The following DAB1 variants were observed in gnomAD, a reference collection of about 807,000 sequenced individuals.
DAB1 encodes the protein disabled homolog 1.
In DAB1, 15 loss-of-function variants were observed where a neutral mutation model predicts 64.6. That is an observed-to-expected ratio of 0.23 (90% CI 0.16 to 0.36). DAB1 has a LOEUF of 0.36. Among genes scored for constraint, DAB1 ranks in the 10% least tolerant of loss-of-function variants. The probability of loss-of-function intolerance (pLI) is 1.00; values close to 1 mark genes in which losing one functional copy is unlikely to be tolerated. For synonymous variants in DAB1, 235 were observed against 251.9 expected, an observed-to-expected ratio of 0.93 and a Z score of 0.64; for missense variants, 596 against 706.7, an observed-to-expected ratio of 0.84 and a Z score of 1.78.
At chr1:57,799,444 C>T (rs1161312644) in intron 6 of DAB1, among the ~76,000 whole-genome samples, 1 of 151,840 alleles carries the variant, frequency 6.6e-6, no homozygotes, top group African/African-American at 2.4e-5. Flanking sequence ...CTGGGCAGAC[C>T]CTGTTTGGGA....
Position 58,064,946 on chromosome 1 carries a change from G to A in DAB1, n.387+85565C>T, listed in dbSNP as rs529267072. On this transcript the variant is annotated intron_variant and non_coding_transcript_variant, in intron 5 of 20. Transcript: ENST00000485760. ...ACCGTGGTCTCAATCTCCTGACCTCGTGATCCGCCCACCTCGGCCTCCCAA... is the reference window on the plus strand; with the variant it reads ...ACCGTGGTCTCAATCTCCTGACCTCATGATCCGCCCACCTCGGCCTCCCAA... 3.2e-3 allele frequency among the ~76,000 whole-genome samples: 489 copies of A among 151,938 alleles called. 1 individual carries two copies. The highest frequency in any genetic ancestry group is 0.011 in the African/African-American group (460 of 41,442).
chr1:58,463,263 G>A (rs1332791159), intron 3 of DAB1, among the ~76,000 whole-genome samples: 1 of 152,198 alleles, frequency 6.6e-6, no homozygotes, highest in Non-Finnish European at 1.5e-5. Flanking sequence ...CTCCTGGTGA[G>A]AGGAGTAGCT....
intron 5 of DAB1, among the ~76,000 whole-genome samples, chr1:58,073,530 T>C (rs1649405111): frequency 6.6e-6 from 1 of 152,190 alleles, no homozygotes; most frequent in African/African-American, 2.4e-5. Flanking sequence ...CTATGTCTGG[T>C]AGAATACAGT....
At chr1:57,096,115 T>C (rs1350792312) in intron 4 of DAB1, among the ~76,000 whole-genome samples, 1 of 152,182 alleles carries the variant, frequency 6.6e-6, no homozygotes, top group Admixed American at 6.5e-5. Context: ...TTATTATCTA[T>C]AGTTAACTGA....
At chr1:57,106,264 C>A (rs1557730847) in intron 4 of DAB1, among the ~76,000 whole-genome samples, 1 of 151,468 alleles carries the variant, frequency 6.6e-6, no homozygotes, top group Non-Finnish European at 1.5e-5. Flanking sequence ...AACACCCCCC[C>A]CCATCAGTAT....
At chr1:57,814,950 G>T (rs852750) in intron 6 of DAB1, among the ~76,000 whole-genome samples, 47,241 of 152,146 alleles carry the variant, frequency 0.31, 8,682 homozygotes, top group Admixed American at 0.46. Flanking sequence ...TTGAGGCTAC[G>T]ATGCTGTAGC....
At chr1:57,670,080 C>T (rs1236628333) in intron 6 of DAB1, among the ~76,000 whole-genome samples, 6 of 152,254 alleles carry the variant, frequency 3.9e-5, no homozygotes, top group Non-Finnish European at 8.8e-5. Flanking sequence ...TTCAGCTCCA[C>T]TGAAATTATT....
chr1:57,556,867 G>A lies in DAB1; in HGVS notation n.625+92725C>T, dbSNP rs374842917. 6.3e-4 allele frequency among the ~76,000 whole-genome samples: 96 copies of A among 152,280 alleles called. No homozygotes were observed. The Middle Eastern group carries it at 0.024, about 38-fold the overall frequency. On this transcript the variant is annotated intron_variant and non_coding_transcript_variant, in intron 7 of 20. Coordinates refer to the DAB1 transcript ENST00000485760. ...TCTTTGCCTAAGCCAATGTCTAGAA[G>A]GGTTTTTCCAACGTTATCTTCTAGA... is the stretch of plus-strand genomic sequence containing the variant.
intron 2 of DAB1, among the ~76,000 whole-genome samples, chr1:57,235,441 C>T (rs1406346787): frequency 6.6e-6 from 1 of 152,174 alleles, no homozygotes; most frequent in Non-Finnish European, 1.5e-5. Flanking sequence ...GGGCCTAGCA[C>T]AGGGCCTGGT....
intron 4 of DAB1, among the ~76,000 whole-genome samples, chr1:58,179,309 A>G (rs1451502373): frequency 3.3e-5 from 5 of 152,076 alleles, no homozygotes; most frequent in Admixed American, 3.3e-4. Flanking sequence ...TTCTTGTAAT[A>G]TCTTTTTCTG....
chr1:57,587,473 T>C (rs1315534076), intron 7 of DAB1, among the ~76,000 whole-genome samples: 1 of 152,150 alleles, frequency 6.6e-6, no homozygotes, highest in Non-Finnish European at 1.5e-5. Context: ...AGAAAGATTG[T>C]ATAATGTTAT....
chr1:58,255,975 G>A (rs141007686), intron 4 of DAB1, among the ~76,000 whole-genome samples: 1 of 152,298 alleles, frequency 6.6e-6, no homozygotes, highest in East Asian at 1.9e-4. Flanking sequence ...GTCAGGATTT[G>A]ATTCTGACAC....
intron 4 of DAB1, among the ~76,000 whole-genome samples, chr1:58,235,574 T>C (rs989998668): frequency 2.6e-5 from 4 of 151,936 alleles, no homozygotes; most frequent in African/African-American, 2.4e-5. Flanking sequence ...TGGGTATATA[T>C]AGAGGGAGGG....
At chr1:58,386,313 G>A (rs1157731236) in intron 3 of DAB1, among the ~76,000 whole-genome samples, 2 of 152,142 alleles carry the variant, frequency 1.3e-5, no homozygotes, top group East Asian at 1.9e-4. Context: ...AGTTTGATAC[G>A]TTCTACACTC....
intron 14 of DAB1, among the ~76,000 whole-genome samples, chr1:56,998,695 A>G (rs1485874378): frequency 1.3e-5 from 2 of 152,198 alleles, no homozygotes; most frequent in Non-Finnish European, 2.9e-5. Context: ...GTTGAGCCAG[A>G]GAAACAGCAA....
At chr1:58,088,440 T>G (rs1650449652) in intron 5 of DAB1, among the ~76,000 whole-genome samples, 1 of 152,240 alleles carries the variant, frequency 6.6e-6, no homozygotes. Flanking sequence ...TCTAATGAAC[T>G]CTAATATATG....
chr1:57,556,509 T>C (rs1340819393), intron 7 of DAB1, among the ~76,000 whole-genome samples: 1 of 152,204 alleles, frequency 6.6e-6, no homozygotes, highest in Non-Finnish European at 1.5e-5. Context: ...GTGGTTTTGA[T>C]TTGCATTTCT....
intron 5 of DAB1, among the ~76,000 whole-genome samples, chr1:58,063,457 A>G (rs1448176850): frequency 6.6e-6 from 1 of 152,192 alleles, no homozygotes; most frequent in Admixed American, 6.5e-5. Context: ...CCTAAAGTCC[A>G]GTGTATAGCC....
intron 3 of DAB1, among the ~76,000 whole-genome samples, chr1:58,408,041 C>T (rs556775846): frequency 1.1e-4 from 17 of 152,270 alleles, no homozygotes; most frequent in Non-Finnish European, 2.1e-4. Context: ...AACGTGTACT[C>T]CCTGGACCAG....
Sources: allele counts gnomAD v4.1 joint callset (sites outside exome capture counted in the v4.1 genomes callset), GRCh38; gene constraint gnomAD v4.1.1; transcripts MANE v1.5; gene names NCBI Gene and HGNC (gene_info 2026-07-23, HGNC 2026-07-21).